Variants in MED13L observed in about 807,000 individuals in gnomAD.
MED13L encodes the protein mediator complex subunit 13L, also known as mediator of RNA polymerase II transcription subunit 13-like.
Under a neutral mutation model 220.9 loss-of-function variants are expected in MED13L, and 7 were observed. That is an observed-to-expected ratio of 0.03 (90% CI 0.02 to 0.06). The LOEUF (loss-of-function observed/expected upper bound fraction) is 0.06, where lower values mean the gene tolerates loss of function less well. MED13L is among the 10% of genes least tolerant of loss of function. The pLI is 1.00. For missense variants in MED13L, 1,965 were observed against 2,760.5 expected (o/e 0.71, Z 6.46); for synonymous variants, 1,011 against 1,015.2 (o/e 1.00, Z 0.08).
intron 1 of MED13L, among the ~76,000 whole-genome samples, chr12:116,245,943 GAAA>G (rs1871059581): frequency 6.6e-6 from 1 of 152,160 alleles, no homozygotes; most frequent in Non-Finnish European, 1.5e-5. Flanking sequence ...AATGGATTAA[GAAA>G]GACTCGCGGA....
At chr12:116,203,357 T>C (rs893991810) in intron 2 of MED13L, among the ~76,000 whole-genome samples, 5 of 152,048 alleles carry the variant, frequency 3.3e-5, no homozygotes, top group Non-Finnish European at 5.9e-5. Context: ...TTTCTCTACT[T>C]GATGCTAGAA....
chr12:116,255,653 G>T (rs959662264), intron 1 of MED13L, among the ~76,000 whole-genome samples: 6 of 152,142 alleles, frequency 3.9e-5, no homozygotes, highest in African/African-American at 1.4e-4. Context: ...GATATTCCAA[G>T]AATTCTTCCA....
chr12:116,043,769 C>A (rs541756337), intron 4 of MED13L, among the ~76,000 whole-genome samples: 1 of 152,294 alleles, frequency 6.6e-6, no homozygotes, highest in African/African-American at 2.4e-5. Context: ...GATTCTTCTC[C>A]ATCCCAACCT....
chr12:116,101,451 T>G (rs1323767755), intron 3 of MED13L, among the ~76,000 whole-genome samples: 1 of 152,228 alleles, frequency 6.6e-6, no homozygotes, highest in Non-Finnish European at 1.5e-5. Flanking sequence ...TTTTTCTTGT[T>G]TATAATCACT....
At chr12:115,980,690 A>G in intron 23 of MED13L, 60 bp downstream of exon 23, 1 of 1,545,652 alleles carries the variant, frequency 6.5e-7, no homozygotes. Flanking sequence ...TAGATAAAAT[A>G]CCTCTTCTAG....
At chr12:116,003,725 C>CA (rs1426770491) in intron 13 of MED13L, among the ~76,000 whole-genome samples, 1 of 151,844 alleles carries the variant, frequency 6.6e-6, no homozygotes, top group African/African-American at 2.4e-5. Flanking sequence ...TAAAATAAAG[C>CA]AAAAAATGAT....
At position 116,160,093 on chromosome 12, in the gene MED13L, T is replaced by C. The variant is rs80305330; in HGVS notation, c.311-48581A>G. On this transcript the variant is annotated intron_variant, in intron 2 of 30. Coordinates refer to ENST00000281928, the MANE Select transcript of MED13L (RefSeq NM_015335.5). ...AAAATAATATAAACTAAAAAAATAA[T>C]TTATACCATGTTTACAGCTGAGTTT... Among the ~76,000 whole-genome samples the C allele has an allele frequency of 4.7e-3, 719 of 152,280 alleles. 21 individuals carry two copies. Among genetic ancestry groups the C allele is most frequent in the East Asian group, 0.019 (99 of 5,190 alleles).
Position 116,156,892 on chromosome 12 carries a change from A to T in MED13L, c.311-45380T>A, listed in dbSNP as rs570923052. Among the ~76,000 whole-genome samples, 17 of 152,292 alleles carry T rather than the reference A, an allele frequency of 1.1e-4. No homozygotes were observed. In the South Asian group the frequency reaches 3.5e-3, roughly 32 times the overall value. On this transcript the variant is annotated intron_variant, in intron 2 of 30. Transcript: ENST00000281928. ...GCTCCAAGGCTGGAGTACAAGACAG[A>T]AGCTGAACATTGAGGATGAAAGAGC... is the stretch of plus-strand genomic sequence containing the variant.
intron 3 of MED13L, among the ~76,000 whole-genome samples, chr12:116,106,952 G>T (rs369545066): frequency 6.6e-6 from 1 of 152,038 alleles, no homozygotes; most frequent in Admixed American, 6.6e-5. Flanking sequence ...CTCTGAAAAG[G>T]TAATACCAAT....
chr12:116,137,384 A>C (rs1432298753), intron 2 of MED13L, among the ~76,000 whole-genome samples: 1 of 152,224 alleles, frequency 6.6e-6, no homozygotes, highest in Non-Finnish European at 1.5e-5. Context: ...CTTTACAGAT[A>C]TAGAAATCAA....
At chr12:115,998,263 C>G (rs1354097872) in intron 14 of MED13L, among the ~76,000 whole-genome samples, 3 of 152,194 alleles carry the variant, frequency 2.0e-5, no homozygotes, top group Non-Finnish European at 4.4e-5. Flanking sequence ...GTGGCCTATG[C>G]AGCAAATTTT....
chr12:115,961,967 A>G (rs1371365862), intron 30 of MED13L, among the ~76,000 whole-genome samples: 1 of 151,166 alleles, frequency 6.6e-6, no homozygotes, highest in Admixed American at 6.6e-5. Context: ...TCCGTCTCCA[A>G]AAAAAAAAGA....
At chr12:116,138,006 G>C (rs887220543) in intron 2 of MED13L, among the ~76,000 whole-genome samples, 3 of 151,878 alleles carry the variant, frequency 2.0e-5, no homozygotes, top group African/African-American at 7.3e-5. Context: ...ACAGGCGCCT[G>C]CCACTACATC....
intron 7 of MED13L, among the ~76,000 whole-genome samples, chr12:116,017,255 CTT>C (rs779977971): frequency 3.5e-4 from 54 of 152,266 alleles, no homozygotes; most frequent in Non-Finnish European, 4.6e-4. Flanking sequence ...AAAAAAACCT[CTT>C]GTTTCTGAAT....
intron 21 of MED13L, 140 bp downstream of exon 21, chr12:115,982,977 T>G: frequency 1.1e-6 from 1 of 885,388 alleles, no homozygotes; most frequent in Non-Finnish European, 1.7e-6. Flanking sequence ...AGATCGACCA[T>G]TGCCCCTTTC....
chr12:116,127,997 T>C (rs1875742091), intron 2 of MED13L, among the ~76,000 whole-genome samples: 1 of 152,210 alleles, frequency 6.6e-6, no homozygotes, highest in Non-Finnish European at 1.5e-5. Flanking sequence ...TCAAGACATC[T>C]GACTTCCTTT....
At chr12:116,223,622 T>G (rs1868658887) in intron 2 of MED13L, among the ~76,000 whole-genome samples, 1 of 152,146 alleles carries the variant, frequency 6.6e-6, no homozygotes, top group African/African-American at 2.4e-5. Context: ...GAGAATCACC[T>G]GAACCCGGGA....
Position 116,096,701 on chromosome 12 carries a change from G to A in MED13L, c.447C>T (p.Pro149=). ...FVRIGKWFVR[P]YEKDEKPVNK... is the part of the protein sequence containing the mutation. ...TGACTGGCTTTTCATCCTTTTCGTA[G>A]GGTCGGACAAACCATTTCCCAATCC... is the stretch of plus-strand genomic sequence containing the variant. The change falls in exon 4 of 31, where the codon CCC becomes CCT. Residue 149 remains proline, a synonymous_variant. Transcript: ENST00000281928. 3 of 1,613,962 alleles carry A rather than the reference G, an allele frequency of 1.9e-6. No homozygotes were observed. Among genetic ancestry groups the A allele is most frequent in the East Asian group, 2.2e-5 (1 of 44,840 alleles).
At chr12:116,137,147 T>C (rs961700503) in intron 2 of MED13L, among the ~76,000 whole-genome samples, 1 of 152,136 alleles carries the variant, frequency 6.6e-6, no homozygotes, top group Non-Finnish European at 1.5e-5. Context: ...TACCAGATAT[T>C]GTCTATGCCA....
Sources: allele counts gnomAD v4.1 joint callset (sites outside exome capture counted in the v4.1 genomes callset), GRCh38; gene constraint gnomAD v4.1.1; transcripts MANE v1.5; gene names NCBI Gene and HGNC (gene_info 2026-07-23, HGNC 2026-07-21).